Variants in SLC25A48 observed in about 807,000 individuals in gnomAD.
SLC25A48 encodes the protein solute carrier family 25 member 48, also known as CTC-321K16.1.
SLC25A48 carries 29 observed loss-of-function variants against 32.2 expected under a neutral mutation model. The ratio of observed to expected loss-of-function variants is 0.90; its 90% confidence interval spans 0.67 to 1.23. The LOEUF (loss-of-function observed/expected upper bound fraction) is 1.23. Ranked by LOEUF, SLC25A48 falls within the 50% of genes most tolerant of loss-of-function variation. The pLI, the probability that SLC25A48 is intolerant of heterozygous loss-of-function variation, is 0.00. For synonymous variants in SLC25A48, 164 were observed against 172.3 expected (o/e 0.95, Z 0.38); for missense variants, 399 against 422.7 (o/e 0.94, Z 0.49).
chr5:135,765,800 G>T (rs1292088492), intron 3 of SLC25A48, among the ~76,000 whole-genome samples: 1 of 151,538 alleles, frequency 6.6e-6, no homozygotes, highest in Non-Finnish European at 1.5e-5. Context: ...TCTCCATATT[G>T]CAGGGGGCAT....
intron 3 of SLC25A48, among the ~76,000 whole-genome samples, chr5:135,645,492 G>A (rs1479251920): frequency 1.1e-4 from 16 of 152,090 alleles, no homozygotes; most frequent in Admixed American, 6.5e-5. Flanking sequence ...GCCACTAAGC[G>A]CAAAGCCTGA....
intron 3 of SLC25A48, among the ~76,000 whole-genome samples, chr5:135,676,923 A>G (rs1340069548): frequency 6.7e-6 from 1 of 149,604 alleles, no homozygotes; most frequent in Non-Finnish European, 1.5e-5. Context: ...AAGAATGTGT[A>G]CTCTGTAGCT....
intron 4 of SLC25A48, among the ~76,000 whole-genome samples, chr5:135,856,812 G>A (rs932934544): frequency 6.6e-5 from 10 of 152,244 alleles, no homozygotes; most frequent in Non-Finnish European, 1.3e-4. Flanking sequence ...AATGAAGGCT[G>A]TCATGAGCAG....
At chr5:135,863,600 C>T (rs1016515133) in intron 4 of SLC25A48, among the ~76,000 whole-genome samples, 3 of 152,272 alleles carry the variant, frequency 2.0e-5, no homozygotes, top group Middle Eastern at 3.4e-3. Context: ...AGCTATACCA[C>T]GTTAATGCCC....
At chr5:135,860,935 G>C (rs756023824) in intron 4 of SLC25A48, among the ~76,000 whole-genome samples, 1 of 152,180 alleles carries the variant, frequency 6.6e-6, no homozygotes, top group African/African-American at 2.4e-5. Flanking sequence ...ATTGAGGTGA[G>C]AGCCCAGCTC....
At chr5:135,801,885 A>G (rs1189494390) in intron 3 of SLC25A48, among the ~76,000 whole-genome samples, 1 of 151,800 alleles carries the variant, frequency 6.6e-6, no homozygotes, top group East Asian at 1.9e-4. Flanking sequence ...GCAATATTGC[A>G]AGAAGTGTAC....
At chr5:135,755,827 T>C (rs1015379990) in intron 3 of SLC25A48, among the ~76,000 whole-genome samples, 1 of 149,704 alleles carries the variant, frequency 6.7e-6, no homozygotes, top group Non-Finnish European at 1.5e-5. Context: ...TCATATCTAA[T>C]GTCAATGCAG....
chr5:135,613,749 G>A (rs1478007544), intron 1 of SLC25A48, among the ~76,000 whole-genome samples: 1 of 152,164 alleles, frequency 6.6e-6, no homozygotes, highest in African/African-American at 2.4e-5. Context: ...TCAGTTGACT[G>A]TAAATACATG....
At chr5:135,792,807 A>G (rs772676865) in intron 3 of SLC25A48, among the ~76,000 whole-genome samples, 43 of 151,616 alleles carry the variant, frequency 2.8e-4, no homozygotes, top group Non-Finnish European at 5.6e-4. Context: ...TACTGAGAAG[A>G]TATTATTCCT....
intron 3 of SLC25A48, among the ~76,000 whole-genome samples, chr5:135,688,960 GCATCC>G (rs1754081742): frequency 6.6e-6 from 1 of 152,162 alleles, no homozygotes; most frequent in African/African-American, 2.4e-5. Context: ...GTTTCTGAGT[GCATCC>G]TCACAACAGT....
At chr5:135,790,810 T>C (rs1406465449) in intron 3 of SLC25A48, among the ~76,000 whole-genome samples, 3 of 139,068 alleles carry the variant, frequency 2.2e-5, no homozygotes, top group African/African-American at 8.4e-5. Context: ...AAATCCTTGG[T>C]GGATGTTACT....
chr5:135,629,928 G>A lies in SLC25A48; in HGVS notation c.-709+552G>A, dbSNP rs746521163. On this transcript the variant is annotated intron_variant, in intron 2 of 10. Transcript: ENST00000646290. This position sits in a 1 kb window ranked among gnomAD's most constrained non-coding sequence, Gnocchi z 4.8. ...TGACATGAGAATGAGGAGGAGAAAC[G>A]GGCAAGGCACCAGCAGTGACTGCCA... 2.0e-5 allele frequency among the ~76,000 whole-genome samples: 3 copies of A among 152,172 alleles called. No individual in the cohort carries two copies. The highest frequency in any genetic ancestry group is 2.9e-5 in the Non-Finnish European group (2 of 68,024).
chr5:135,646,779 T>C (rs1290293716), intron 3 of SLC25A48, among the ~76,000 whole-genome samples: 1 of 150,660 alleles, frequency 6.6e-6, no homozygotes, highest in Non-Finnish European at 1.5e-5. Flanking sequence ...GTTGAACTCA[T>C]AGAATCAGAA....
chr5:135,645,820 T>C (rs887513485), intron 3 of SLC25A48, among the ~76,000 whole-genome samples: 12 of 152,206 alleles, frequency 7.9e-5, no homozygotes, highest in African/African-American at 2.4e-4. Flanking sequence ...TCTCTGCCTG[T>C]GTAGGCTCAT....
intron 3 of SLC25A48, among the ~76,000 whole-genome samples, chr5:135,688,348 A>G (rs536187508): frequency 6.6e-6 from 1 of 152,188 alleles, no homozygotes; most frequent in South Asian, 2.1e-4. Flanking sequence ...GATACAGTTG[A>G]ATAGTTGACT....
intron 1 of SLC25A48, among the ~76,000 whole-genome samples, chr5:135,587,436 C>A (rs1751394189): frequency 6.6e-6 from 1 of 152,190 alleles, no homozygotes; most frequent in Non-Finnish European, 1.5e-5. Context: ...CGTTTGCTGT[C>A]AAGAGGGAGT....
At chr5:135,864,244 G>A (rs1761024712) in intron 4 of SLC25A48, among the ~76,000 whole-genome samples, 1 of 152,192 alleles carries the variant, frequency 6.6e-6, no homozygotes, top group Non-Finnish European at 1.5e-5. Flanking sequence ...GCCTGGCTGG[G>A]AGGTCATCAG....
At chr5:135,663,172 C>T (rs1753444685) in intron 3 of SLC25A48, among the ~76,000 whole-genome samples, 1 of 152,176 alleles carries the variant, frequency 6.6e-6, no homozygotes, top group African/African-American at 2.4e-5. Flanking sequence ...GATTTTGCCC[C>T]AGCTGAATTT....
rs144378338 is a variant in SLC25A48 at position 135,790,511 on chromosome 5, G to T, written c.-520-22012G>T. Among the ~76,000 whole-genome samples the T allele has an allele frequency of 2.9e-3, 438 of 149,220 alleles. 2 individuals are homozygous for T. Among genetic ancestry groups the T allele is most frequent in the Middle Eastern group, 0.018 (5 of 280 alleles). ...TAATGTCACAGTGAGTGTACATAAT[G>T]TGTGGGTACTCCCAGTGATACTAAC... On this transcript the variant is annotated intron_variant, in intron 3 of 10. Coordinates refer to the SLC25A48 transcript ENST00000646290.
Sources: gnomAD v4.1 joint callset for allele counts (sites outside exome capture counted in the v4.1 genomes callset) on GRCh38, gnomAD v4.1.1 for gene constraint, Gnocchi (gnomAD v3.1) non-coding constraint, MANE v1.5 for transcripts, NCBI Gene and HGNC (gene_info 2026-07-23, HGNC 2026-07-21) for gene names.